The following PCDHGA4 variants were observed in gnomAD, a reference collection of about 807,000 sequenced individuals.
PCDHGA4 encodes the protein protocadherin gamma-A4.
Under a neutral mutation model 54.6 loss-of-function variants are expected in PCDHGA4, and 38 were observed. That is an observed-to-expected ratio of 0.70 (90% CI 0.54 to 0.91). PCDHGA4 has a LOEUF of 0.91. Ranked by LOEUF, PCDHGA4 falls within the 40% of genes least tolerant of loss-of-function variation. PCDHGA4 has a pLI of 0.00. For missense variants in PCDHGA4, 1,298 were observed against 1,220.9 expected, an observed-to-expected ratio of 1.06 and a Z score of -0.94; for synonymous variants, 511 against 512.9, an observed-to-expected ratio of 1.00 and a Z score of 0.05.
chr5:141,440,997 A>G (rs1191545127), intron 1 of PCDHGA4: 1 of 152,178 alleles, frequency 6.6e-6, no homozygotes, highest in East Asian at 1.9e-4. Context: ...ACCCATATCT[A>G]GTTTGGCCTT....
intron 1 of PCDHGA4, chr5:141,370,456 T>C (rs889377616): frequency 6.2e-7 from 1 of 1,611,944 alleles, no homozygotes; most frequent in African/African-American, 1.3e-5. Context: ...TTTCTCTTCC[T>C]GCTCTCTTTG....
intron 1 of PCDHGA4, among the ~76,000 whole-genome samples, chr5:141,437,505 A>G (rs1429147239): frequency 6.6e-6 from 1 of 152,204 alleles, no homozygotes; most frequent in Non-Finnish European, 1.5e-5. Context: ...TTTTCAATGA[A>G]TTATAAGGCT....
In PCDHGA4 at chr5:141,415,612, G is replaced by A. The variant is rs745660439; in HGVS notation, c.2514+57991G>A. 12 of 1,612,854 alleles carry A rather than the reference G, an allele frequency of 7.4e-6. No homozygotes were observed. The South Asian group carries it at 1.2e-4, about 16-fold the overall frequency. ...TATAGAGGATACCCCATTGGTTCCA[G>A]TGAGTTTTATTTTCATTTTTACTTT... On this transcript the variant is annotated intron_variant, in intron 1 of 3. Transcript: ENST00000571252.
chr5:141,507,619 G>T (rs1237918589), intron 3 of PCDHGA4, among the ~76,000 whole-genome samples: 22 of 152,256 alleles, frequency 1.4e-4, no homozygotes, highest in Admixed American at 1.4e-3. Context: ...ATATTTAGCT[G>T]TTGTGGCCTT....
chr5:141,389,588 C>T (rs2091837140), intron 1 of PCDHGA4: 3 of 1,613,150 alleles, frequency 1.9e-6, no homozygotes, highest in Non-Finnish European at 2.5e-6. Flanking sequence ...TGGGTCCCGA[C>T]GGCTCTGCGC....
At chr5:141,400,539 T>C (rs1339848826) in intron 1 of PCDHGA4, 7 of 1,613,782 alleles carry the variant, frequency 4.3e-6, no homozygotes, top group African/African-American at 4.0e-5. Context: ...GTTTCATTTA[T>C]GTCTATTCTT....
At position 141,366,840 on chromosome 5, in the gene PCDHGA4, T is replaced by C. The variant is rs1006582691; in HGVS notation, c.2514+9219T>C. Reference sequence around the variant, plus strand: ...TGTCATATTCAGAATCAGCTAGTTATGTAAATAGTGGAACATTATTTGCTG... The same window carrying C: ...TGTCATATTCAGAATCAGCTAGTTACGTAAATAGTGGAACATTATTTGCTG... On this transcript the variant is annotated intron_variant, in intron 1 of 3. Coordinates refer to ENST00000571252, the MANE Select transcript of PCDHGA4 (RefSeq NM_018917.4). The C allele has an allele frequency of 1.2e-5, 18 of 1,493,738 alleles. No homozygotes were observed. The East Asian group carries it at 1.4e-4, about 11-fold the overall frequency. 92.5% of individuals were successfully genotyped at this position (1,493,738 alleles called of 1,614,324 possible). A position where few individuals can be genotyped will look rare whatever the true frequency, so the allele number is the denominator to read the frequency against.
chr5:141,405,546 A>G (rs2094684316), intron 1 of PCDHGA4: 1 of 630,658 alleles, frequency 1.6e-6, no homozygotes, highest in Admixed American at 2.9e-5. Context: ...CAGCCTCCCA[A>G]GTAGAGTAGC....
At chr5:141,500,452 G>C (rs554196222) in intron 2 of PCDHGA4, among the ~76,000 whole-genome samples, 1 of 151,506 alleles carries the variant, frequency 6.6e-6, no homozygotes, top group South Asian at 2.1e-4. Context: ...CTCGTGATCC[G>C]CCCGCCTCGG....
chr5:141,491,964 C>T lies in PCDHGA4; in HGVS notation c.2515-2843C>T, dbSNP rs1382490003. 2.1e-6 allele frequency: 2 copies of T among 943,836 alleles called. No individual in the cohort carries two copies. The highest frequency in any genetic ancestry group is 3.0e-6 in the Non-Finnish European group (2 of 671,104). 58.5% of individuals were successfully genotyped at this position (943,836 alleles called of 1,614,324 possible). On this transcript the variant is annotated intron_variant, in intron 1 of 3. Transcript: ENST00000571252. The surrounding 1 kb of genome is among the most constrained non-coding windows in gnomAD (Gnocchi z 6.9). ...CCCCACCCCTACACTCAAAAAAGGC[C>T]GGGGCCTCCTTCGAGCTTCCGGTGA...
intron 1 of PCDHGA4, chr5:141,371,109 C>T: frequency 6.2e-7 from 1 of 1,613,836 alleles, no homozygotes; most frequent in South Asian, 1.1e-5. Flanking sequence ...AAATGATAAC[C>T]CCCCAGTATT....
intron 1 of PCDHGA4, among the ~76,000 whole-genome samples, chr5:141,472,445 C>T (rs2099280467): frequency 6.6e-6 from 1 of 151,956 alleles, no homozygotes; most frequent in Non-Finnish European, 1.5e-5. Flanking sequence ...GAGGCTGAGG[C>T]AGGAGAATCG....
At position 141,510,947 on chromosome 5, in the gene PCDHGA4, A is replaced by C; in HGVS notation, c.2663A>C (p.Glu888Ala). Residue 888 changes from glutamate to alanine, a missense_variant and splice_region_variant, in exon 4 of 4, where the codon GAA (glutamate) becomes GCA (alanine). By Grantham distance (107) the Glu-to-Ala change is moderately radical. Transcript: ENST00000571252. ...ACCTGATCTTCCTCTGTCTCTGCAG[A>C]AGCTGCTGATGGGAGCTCCACCCTG... ...LQAMILASAS[E>A]AADGSSTLGG... The C allele has an allele frequency of 6.2e-7, 1 of 1,614,084 alleles. No individual in the cohort carries two copies. Among genetic ancestry groups the C allele is most frequent in the Non-Finnish European group, 8.5e-7 (1 of 1,180,000 alleles).
chr5:141,385,298 G>A (rs1409031209), intron 1 of PCDHGA4: 2 of 1,612,982 alleles, frequency 1.2e-6, no homozygotes, highest in Non-Finnish European at 8.5e-7. Context: ...TTTCAGGAAT[G>A]TAAAGAAAAC....
At chr5:141,406,346 G>C (rs1296474677) in intron 1 of PCDHGA4, among the ~76,000 whole-genome samples, 1 of 152,092 alleles carries the variant, frequency 6.6e-6, no homozygotes, top group Non-Finnish European at 1.5e-5. Flanking sequence ...ATTTATTCAG[G>C]TCATACTATG....
intron 1 of PCDHGA4, 58 bp from the exon 2 acceptor site, chr5:141,494,749 G>A (rs573811540): frequency 2.9e-5 from 47 of 1,612,698 alleles, no homozygotes; most frequent in Non-Finnish European, 3.6e-5. Flanking sequence ...CTAGGGGCTC[G>A]GGTGACATTC....
intron 1 of PCDHGA4, chr5:141,423,665 G>A: frequency 6.6e-7 from 1 of 1,512,226 alleles, no homozygotes; most frequent in Non-Finnish European, 8.9e-7. Flanking sequence ...AATCAGGTGA[G>A]ATTTATTTCT....
At chr5:141,492,197 TA>T (rs2099738125) in intron 1 of PCDHGA4, among the ~76,000 whole-genome samples, 1 of 152,200 alleles carries the variant, frequency 6.6e-6, no homozygotes, top group African/African-American at 2.4e-5. Flanking sequence ...CTGCGGGACT[TA>T]GGTGTGCGCG....
intron 1 of PCDHGA4, chr5:141,398,169 G>T (rs2093619628): frequency 5.4e-6 from 8 of 1,477,440 alleles, no homozygotes; most frequent in Admixed American, 2.6e-5. Flanking sequence ...CTGAGAGGCT[G>T]CCAGTGCTCT....
Sources: allele counts gnomAD v4.1 joint callset (sites outside exome capture counted in the v4.1 genomes callset), GRCh38; gene constraint gnomAD v4.1.1; non-coding constraint Gnocchi (gnomAD v3.1); transcripts MANE v1.5; gene names NCBI Gene and HGNC (gene_info 2026-07-23, HGNC 2026-07-21).